MARCHF2: variants seen among roughly 807,000 people sequenced by gnomAD.
MARCHF2 encodes the protein membrane associated ring-CH-type finger 2, also known as E3 ubiquitin-protein ligase MARCHF2.
A neutral mutation model predicts 24.0 loss-of-function variants in MARCHF2; 22 were observed. The ratio of observed to expected loss-of-function variants is 0.92; its 90% CI spans 0.66 to 1.31. MARCHF2 has a LOEUF of 1.31. Ranked by LOEUF, MARCHF2 falls within the 50% of genes most tolerant of loss-of-function variation. The pLI is 0.00. For missense variants in MARCHF2, 301 were observed against 335.3 expected (o/e 0.90, Z 0.80); for synonymous variants, 154 against 153.0 (o/e 1.01, Z -0.05).
chr19:8,414,224 ACTT>A (rs887737845), intron 1 of MARCHF2, among the ~76,000 whole-genome samples: 1 of 152,102 alleles, frequency 6.6e-6, no homozygotes, highest in African/African-American at 2.4e-5. Flanking sequence ...ATAGTTATTA[ACTT>A]CTTAATTTTT....
At chr19:8,424,539 C>T (rs1017044428) in intron 2 of MARCHF2, among the ~76,000 whole-genome samples, 6 of 152,092 alleles carry the variant, frequency 3.9e-5, no homozygotes, top group East Asian at 1.9e-4. Flanking sequence ...TGGTGGCCGG[C>T]GCCTGTAGTC....
At chr19:8,424,430 G>A (rs1161648098) in intron 2 of MARCHF2, among the ~76,000 whole-genome samples, 1 of 152,154 alleles carries the variant, frequency 6.6e-6, no homozygotes, top group Non-Finnish European at 1.5e-5. Flanking sequence ...CACTTTGGGA[G>A]GCCGAGGCGG....
At chr19:8,423,015 T>C (rs527651318) in intron 2 of MARCHF2, among the ~76,000 whole-genome samples, 62 of 1,362 alleles carry the variant, frequency 0.046, no homozygotes, top group African/African-American at 0.14. Flanking sequence ...GCTCAACAAA[T>C]ATTAAGGCTT....
intron 2 of MARCHF2, among the ~76,000 whole-genome samples, chr19:8,424,400 G>T (rs1016070250): frequency 6.6e-6 from 1 of 152,162 alleles, no homozygotes; most frequent in East Asian, 1.9e-4. Flanking sequence ...TTGCGCAGTG[G>T]CTCACGCCTG....
In MARCHF2 at chr19:8,422,003, T is replaced by C. The variant is rs1342423217; in HGVS notation, c.163T>C (p.Leu55=). 6.2e-7 allele frequency: 1 copy of C among 1,611,574 alleles called. No homozygotes were observed. The highest frequency in any genetic ancestry group is 8.5e-7 in the Non-Finnish European group (1 of 1,178,990). ...GCTCCTCTCCACCGTCATCCGTGCC[T>C]TGGACACACCGAGGTGAGTGGTGAC... ...GRLLSTVIRA[L]DTPSDGPFCR... is the part of the protein sequence containing the mutation. The change falls in exon 2 of 5, where the codon TTG becomes CTG. Residue 55 remains leucine, a synonymous_variant. Transcript: ENST00000215555.
intron 1 of MARCHF2, among the ~76,000 whole-genome samples, chr19:8,417,584 C>T (rs1021974142): frequency 1.3e-5 from 2 of 151,508 alleles, no homozygotes. Flanking sequence ...ATTACAGTTG[C>T]CCGCCACCAT....
At chr19:8,435,484 AAT>A (rs1439775452) in intron 4 of MARCHF2, among the ~76,000 whole-genome samples, 1 of 152,058 alleles carries the variant, frequency 6.6e-6, no homozygotes, top group African/African-American at 2.4e-5. Flanking sequence ...CATTTGTTAC[AAT>A]CAGTGAACCT....
At chr19:8,420,720 A>G (rs1359252995) in intron 1 of MARCHF2, among the ~76,000 whole-genome samples, 2 of 152,036 alleles carry the variant, frequency 1.3e-5, no homozygotes, top group Non-Finnish European at 2.9e-5. Flanking sequence ...GCACCGTCAT[A>G]GCTCACTGCA....
rs753106620 is a variant in MARCHF2 at position 8,426,664 on chromosome 19, T to C, written c.232T>C (p.Ser78Pro). ...HEGANGECLL[S>P]PCGCTGTLGA... ...GGGAGCGAACGGGGAGTGCTTGCTG[T>C]CCCCGTGTGGCTGCACCGGCACGCT... Residue 78 changes from serine to proline, a missense_variant, in exon 3 of 5, where the codon TCC becomes CCC. Physicochemically the swap from Ser to Pro is moderately conservative, Grantham distance 74 (BLOSUM62 -1). Coordinates refer to ENST00000215555, the MANE Select transcript of MARCHF2 (RefSeq NM_001005415.2). 1.9e-6 allele frequency: 3 copies of C among 1,614,032 alleles called. No homozygotes were observed. The highest frequency in any genetic ancestry group is 2.5e-6 in the Non-Finnish European group (3 of 1,180,020).
intron 1 of MARCHF2, among the ~76,000 whole-genome samples, chr19:8,419,828 AAT>A (rs1202953010): frequency 2.1e-5 from 3 of 143,728 alleles, no homozygotes; most frequent in African/African-American, 8.0e-5. Flanking sequence ...AAAAAAAATA[AAT>A]AAATAAATAA....
intron 1 of MARCHF2, among the ~76,000 whole-genome samples, chr19:8,421,401 G>C (rs199696357): frequency 4.7e-5 from 2 of 42,926 alleles, no homozygotes; most frequent in African/African-American, 1.6e-4. Context: ...TTTTTTTTTT[G>C]TATTTTTAGT....
In MARCHF2 at chr19:8,438,266, C is replaced by T. The variant is rs1402646895; in HGVS notation, c.583-122C>T. Reference sequence around the variant, plus strand: ...CTTTGTGGGAGGAATGTTCATAAGCCAGCTCTGCTTCTGGAAGCATGAGCC... The same window carrying T: ...CTTTGTGGGAGGAATGTTCATAAGCTAGCTCTGCTTCTGGAAGCATGAGCC... On this transcript the variant is annotated intron_variant, in intron 4 of 4. Transcript: ENST00000215555. The T allele has an allele frequency of 2.0e-5, 20 of 990,462 alleles. No homozygotes were observed. The Admixed American group carries it at 3.7e-4, about 18-fold the overall frequency. 61.4% of individuals were successfully genotyped at this position (990,462 alleles called of 1,614,324 possible).
intron 4 of MARCHF2, among the ~76,000 whole-genome samples, chr19:8,431,982 C>A (rs995440912): frequency 3.3e-5 from 5 of 151,600 alleles, no homozygotes; most frequent in Non-Finnish European, 7.4e-5. Context: ...CATGGTGAAA[C>A]CCCATCTCTA....
intron 1 of MARCHF2, chr19:8,413,666 C>T (rs1270978305): frequency 6.6e-6 from 1 of 152,254 alleles, no homozygotes; most frequent in Non-Finnish European, 1.5e-5. Context: ...CCATTGCCAA[C>T]CTGATGGGGC....
At chr19:8,431,234 C>A (rs1360916305) in intron 4 of MARCHF2, among the ~76,000 whole-genome samples, 1 of 152,068 alleles carries the variant, frequency 6.6e-6, no homozygotes, top group Non-Finnish European at 1.5e-5. Context: ...CATGGTGGCT[C>A]ACGCCTGTAA....
chr19:8,426,839 G>C (rs368003230), intron 3 of MARCHF2, 35 bp downstream of exon 3: 28 of 1,592,364 alleles, frequency 1.8e-5, no homozygotes, highest in Non-Finnish European at 2.4e-5. Flanking sequence ...GGTGGGCAGT[G>C]GGGAGAGGGC....
At chr19:8,422,486 A>G (rs112826244) in intron 2 of MARCHF2, among the ~76,000 whole-genome samples, 9,245 of 150,764 alleles carry the variant, frequency 0.061, 674 homozygotes, top group African/African-American at 0.17. Context: ...TCCGCCTCCC[A>G]GGTTCAAGTG....
At chr19:8,431,026 A>G (rs746997854) in intron 4 of MARCHF2, 159 bp downstream of exon 4, 8 of 684,350 alleles carry the variant, frequency 1.2e-5, no homozygotes, top group Non-Finnish European at 1.7e-5. Context: ...CTGCCTCTCC[A>G]GGAGCTTGAG....
In MARCHF2 at chr19:8,438,447, T is replaced by C; in HGVS notation, c.642T>C (p.Val214=). ...AGTGGAGAAAGACCAACCAGAAAGT[T>C]CGCCTGAAGATCCGGGAGGCGGACA... The part of the protein sequence containing the change: ...YSEWRKTNQK[V]RLKIREADSP... Residue 214 remains valine, a synonymous_variant, in exon 5 of 5, where the codon GTT becomes GTC. Coordinates refer to ENST00000215555, the MANE Select transcript of MARCHF2 (RefSeq NM_001005415.2). 3.7e-6 allele frequency: 6 copies of C among 1,614,076 alleles called. No homozygotes were observed. Among genetic ancestry groups the C allele is most frequent in the Non-Finnish European group, 5.1e-6 (6 of 1,180,016 alleles).
Sources: gnomAD v4.1 joint callset for allele counts (sites outside exome capture counted in the v4.1 genomes callset) on GRCh38, gnomAD v4.1.1 for gene constraint, MANE v1.5 for transcripts, NCBI Gene and HGNC (gene_info 2026-07-23, HGNC 2026-07-21) for gene names.